The following SPTBN4 variants were observed in gnomAD, a reference collection of about 807,000 sequenced individuals.
SPTBN4 encodes the protein spectrin beta chain, non-erythrocytic 4.
Under a neutral mutation model 277.8 loss-of-function variants are expected in SPTBN4, and 96 were observed. That is an observed-to-expected ratio of 0.35 (90% CI 0.29 to 0.41). The LOEUF is 0.41. Among genes scored for constraint, SPTBN4 ranks in the 10% least tolerant of loss-of-function variants. The probability of loss-of-function intolerance (pLI) is 1.00; values close to 1 mark genes in which losing one functional copy is unlikely to be tolerated. For synonymous variants in SPTBN4, 1,481 were observed against 1,580.3 expected (o/e 0.94, Z 1.49); for missense variants, 3,006 against 3,595.7 (o/e 0.84, Z 4.19).
intron 2 of SPTBN4, among the ~76,000 whole-genome samples, chr19:40,486,372 T>A (rs1181638577): frequency 4.4e-5 from 6 of 137,454 alleles, no homozygotes; most frequent in Non-Finnish European, 1.6e-5. Flanking sequence ...GTGCAGCAAC[T>A]TTTTTTTTTT....
chr19:40,541,935 T>C (rs2080806705), intron 20 of SPTBN4, among the ~76,000 whole-genome samples: 1 of 149,750 alleles, frequency 6.7e-6, no homozygotes, highest in Admixed American at 6.6e-5. Context: ...TTATTTTTTC[T>C]TTTTGAGACG....
Position 40,554,714 on chromosome 19 carries a change from G to A in SPTBN4, c.5084+68G>A. ...ACCTGAAGCTTCGCTGTTGGGAGTTGGCGCAGCGCTGGAATTGGACGTTGG... is the reference window on the plus strand; with the variant it reads ...ACCTGAAGCTTCGCTGTTGGGAGTTAGCGCAGCGCTGGAATTGGACGTTGG... On this transcript the variant is annotated intron_variant, in intron 24 of 35. Transcript: ENST00000598249. The surrounding 1 kb of genome is among the most constrained non-coding windows in gnomAD (Gnocchi z 5.7). 1 of 1,558,348 alleles carries A rather than the reference G, an allele frequency of 6.4e-7. No homozygotes were observed. Among genetic ancestry groups the A allele is most frequent in the Non-Finnish European group, 8.7e-7 (1 of 1,151,986 alleles).
Position 40,567,661 on chromosome 19 carries a change from AGATC to A in SPTBN4, c.6338_6341del (p.Ile2113ArgfsTer330). On this transcript the variant is annotated splice_acceptor_variant and coding_sequence_variant, in exon 31 of 36. Transcript: ENST00000598249. LOFTEE classifies it high-confidence loss of function. ...ACCTAACCCTGGTCCCTCCATCCTC[AGATC>A]GAGAAAATCAAAGCGGAACAGAGCA... The A allele has an allele frequency of 6.7e-7, 1 of 1,490,706 alleles. No individual in the cohort carries two copies. The highest frequency in any genetic ancestry group is 8.9e-7 in the Non-Finnish European group (1 of 1,118,466). The allele number at this position is 1,490,706 out of a possible 1,614,324, so 92.3% of individuals were successfully genotyped here.
intron 27 of SPTBN4, among the ~76,000 whole-genome samples, chr19:40,561,281 G>A (rs553831815): frequency 6.6e-6 from 1 of 152,092 alleles, no homozygotes; most frequent in Non-Finnish European, 1.5e-5. Flanking sequence ...CCAAAGTGCT[G>A]GGATTACAGG....
At position 40,496,175 on chromosome 19, in the gene SPTBN4, A is replaced by T. The variant is rs922920578; in HGVS notation, c.668+1198A>T. Reference sequence around the variant, plus strand: ...TATTTATTTATTTATTTTGAGGGTGAGTCTCACTCTGTCCCCCAGGCTAGA... The same window carrying T: ...TATTTATTTATTTATTTTGAGGGTGTGTCTCACTCTGTCCCCCAGGCTAGA... On this transcript the variant is annotated intron_variant, in intron 6 of 35. Transcript: ENST00000598249. Among the ~76,000 whole-genome samples the T allele has an allele frequency of 8.5e-5, 13 of 152,104 alleles. No individual in the cohort carries two copies. In the East Asian group the frequency reaches 1.5e-3, roughly 18 times the overall value.
rs1230713221 is a variant in SPTBN4 at position 40,513,136 on chromosome 19, G to T, written c.2347G>T (p.Asp783Tyr). ...RALHQFGADLDGLLDWLRDAY... is the reference protein window; with the variant it reads ...RALHQFGADLYGLLDWLRDAY... ...GCTGCACCAGTTCGGCGCTGACCTC[G>T]ACGGGCTGCTGGACTGGCTTCGCGA... Residue 783 changes from aspartate (D) to tyrosine (Y), a missense_variant, in exon 14 of 36, where the codon GAC becomes TAC. This residue lies in a region of SPTBN4 where 1,759 missense variants were observed against 2,061.5 expected (regional missense o/e 0.85). Transcript: ENST00000598249. The T allele has an allele frequency of 6.7e-7, 1 of 1,490,624 alleles. No homozygotes were observed. The allele number at this position is 1,490,624 out of a possible 1,614,324, so 92.3% of individuals were successfully genotyped here.
At chr19:40,572,636 A>G (rs1244109127) in intron 35 of SPTBN4, 1 of 530,000 alleles carries the variant, frequency 1.9e-6, no homozygotes, top group African/African-American at 1.9e-5. Context: ...CACTCAGGTG[A>G]GACTGGAATG....
At chr19:40,564,369 T>C (rs148283909) in intron 27 of SPTBN4, among the ~76,000 whole-genome samples, 119 of 152,270 alleles carry the variant, frequency 7.8e-4, no homozygotes, top group African/African-American at 2.8e-3. Context: ...TTACATTCTT[T>C]TTTACATTAA....
chr19:40,470,855 A>G (rs990905029), intron 1 of SPTBN4, among the ~76,000 whole-genome samples: 10 of 139,412 alleles, frequency 7.2e-5, no homozygotes, highest in Middle Eastern at 5.4e-3. Context: ...CTGGTCTCGA[A>G]CTCCTCACCT....
Position 40,472,664 on chromosome 19 carries a change from C to A in SPTBN4, c.43C>A (p.Pro15Thr). The change falls in exon 2 of 36, where the codon CCT becomes ACT. Residue 15 changes from proline (P) to threonine (T), a missense_variant. Pro to Thr is a conservative substitution (Grantham distance 38, BLOSUM62 -1). Coordinates refer to ENST00000598249, the MANE Select transcript of SPTBN4 (RefSeq NM_020971.3). ...PGEVDNMEGL[P>T]APNNNPAARW... ...GGAAGTGGACAACATGGAGGGCCTG[C>A]CTGCTCCTAACAACAACCCTGCTGC... 1 of 1,613,850 alleles carries A rather than the reference C, an allele frequency of 6.2e-7. No homozygotes were observed. The highest frequency in any genetic ancestry group is 8.5e-7 in the Non-Finnish European group (1 of 1,179,924).
Position 40,519,397 on chromosome 19 carries a change from G to A in SPTBN4, c.2904-4G>A. ...CCTCAAGTCACTCTCTTTCCCCTGGGCAGGTGGAACCGCATCGTGGAGCTA... is the reference window on the plus strand; with the variant it reads ...CCTCAAGTCACTCTCTTTCCCCTGGACAGGTGGAACCGCATCGTGGAGCTA... On this transcript the variant is annotated splice_polypyrimidine_tract_variant and splice_region_variant and intron_variant, in intron 15 of 35. Transcript: ENST00000598249. The surrounding 1 kb of genome is among the most constrained non-coding windows in gnomAD (Gnocchi z 5.7). 6.4e-7 allele frequency: 1 copy of A among 1,551,992 alleles called. No homozygotes were observed. Among genetic ancestry groups the A allele is most frequent in the Non-Finnish European group, 8.7e-7 (1 of 1,151,794 alleles).
Position 40,531,477 on chromosome 19 carries a change from T to G in SPTBN4, c.3949-1148T>G, listed in dbSNP as rs1621258. 9.7e-3 allele frequency among the ~76,000 whole-genome samples: 916 copies of G among 94,818 alleles called. 32 individuals carry two copies. Among genetic ancestry groups the G allele is most frequent in the African/African-American group, 0.043 (879 of 20,438 alleles). The allele number at this position is 94,818 out of a possible 152,430, so 62.2% of individuals were successfully genotyped here. On this transcript the variant is annotated intron_variant, in intron 18 of 35. Transcript: ENST00000598249. ...AGTCCAGTGTTTGTTTTTTTTTTTT[T>G]TTTTTTTTTTTTTTTTTTTTTTGCA...
rs2080155372 is a variant in SPTBN4, at chr19:40,492,944, A to AT, written c.496-13dup. 4 of 1,612,796 alleles carry AT rather than the reference A, an allele frequency of 2.5e-6. No homozygotes were observed. Among genetic ancestry groups the AT allele is most frequent in the Admixed American group, 3.3e-5 (2 of 59,976 alleles). The stretch of plus-strand genomic sequence containing the variant: ...TCAAGCTCTCCAGGCCCTGGTAGCC[A>AT]TTTTTTGTATCTTCACAGATTCAAG... On this transcript the variant is annotated intron_variant, in intron 4 of 35. Coordinates refer to ENST00000598249, the MANE Select transcript of SPTBN4 (RefSeq NM_020971.3).
chr19:40,570,903 A>C, intron 33 of SPTBN4, 175 bp downstream of exon 33: 57 of 443,326 alleles, frequency 1.3e-4, no homozygotes, highest in Middle Eastern at 7.9e-4. Context: ...AAGCCAACCA[A>C]TGAGCAGGAG....
At chr19:40,532,807 T>G (rs1599774059) in intron 19 of SPTBN4, 36 bp downstream of exon 19, 1 of 1,580,964 alleles carries the variant, frequency 6.3e-7, no homozygotes, top group Non-Finnish European at 8.6e-7. Context: ...CTGTGCCAGG[T>G]GCAGGAGGCC....
At chr19:40,474,004 T>G (rs2079917881) in intron 2 of SPTBN4, among the ~76,000 whole-genome samples, 1 of 150,812 alleles carries the variant, frequency 6.6e-6, no homozygotes, top group Admixed American at 6.6e-5. Flanking sequence ...AAAAAAAAAT[T>G]AGCCAGGCGT....
rs371174701 is a variant in SPTBN4, at chr19:40,554,055, C to G, written c.4675-92C>G. Reference sequence around the variant, plus strand: ...AGCTGGGGGTGCTTGTTAATTGCCCCGTGGGCCGTGCCAGTAGCAGAGGAG... The same window carrying G: ...AGCTGGGGGTGCTTGTTAATTGCCCGGTGGGCCGTGCCAGTAGCAGAGGAG... On this transcript the variant is annotated intron_variant, in intron 22 of 35. Coordinates refer to ENST00000598249, the MANE Select transcript of SPTBN4 (RefSeq NM_020971.3). This position sits in a 1 kb window ranked among gnomAD's most constrained non-coding sequence, Gnocchi z 5.7. The G allele has an allele frequency of 3.2e-5, 41 of 1,275,780 alleles. No homozygotes were observed. The highest frequency in any genetic ancestry group is 8.8e-5 in the South Asian group (5 of 56,742). 79.0% of individuals were successfully genotyped at this position (1,275,780 alleles called of 1,614,324 possible).
rs767988037 is a variant in SPTBN4, at chr19:40,550,346, G to A, written c.4674+19G>A. 6 of 1,603,274 alleles carry A rather than the reference G, an allele frequency of 3.7e-6. No homozygotes were observed. Among genetic ancestry groups the A allele is most frequent in the Non-Finnish European group, 5.1e-6 (6 of 1,179,412 alleles). On this transcript the variant is annotated intron_variant, in intron 22 of 35. Coordinates refer to ENST00000598249, the MANE Select transcript of SPTBN4 (RefSeq NM_020971.3). ...GAACCAGGTGAGCAGAGCCAGGTGA[G>A]GGAGCGAGTTAGGACATTTGGATAC...
chr19:40,546,237 AAAAAG>A (rs1224843642), intron 20 of SPTBN4, among the ~76,000 whole-genome samples: 8 of 151,706 alleles, frequency 5.3e-5, no homozygotes, highest in Middle Eastern at 3.4e-3. Context: ...AAAAAAAAAA[AAAAAG>A]AAAGAAAGAA....
Sources: allele counts gnomAD v4.1 joint callset (sites outside exome capture counted in the v4.1 genomes callset), GRCh38; gene constraint gnomAD v4.1.1; regional missense constraint gnomAD v4.1.1; non-coding constraint Gnocchi (gnomAD v3.1); transcripts MANE v1.5; gene names NCBI Gene and HGNC (gene_info 2026-07-23, HGNC 2026-07-21).